CASK: variants seen among roughly 807,000 people sequenced by gnomAD.
The protein encoded by CASK is calcium/calmodulin dependent serine protein kinase, also known as peripheral plasma membrane protein CASK.
In CASK, 4 loss-of-function variants were observed where a neutral mutation model predicts 82.9. The ratio of observed to expected loss-of-function variants is 0.05; its 90% CI spans 0.02 to 0.11. The LOEUF is 0.11. Ranked by LOEUF, CASK falls within the 10% of genes least tolerant of loss-of-function variation. CASK has a pLI of 1.00. For missense variants in CASK, 358 were observed against 720.9 expected (o/e 0.50, Z 5.76); for synonymous variants, 259 against 253.5 (o/e 1.02, Z -0.20).
At chrX:41,660,385 T>C in intron 8 of CASK, 54 bp downstream of exon 8, 1 of 1,032,762 alleles carries the variant, frequency 9.7e-7, no homozygotes, top group Middle Eastern at 2.6e-4. Context: ...CGCATTCCTG[T>C]CACTGGAAGT....
chrX:41,538,603 A>G (rs180671970), intron 22 of CASK, among the ~76,000 whole-genome samples: 2 of 111,899 alleles, frequency 1.8e-5, no homozygotes, highest in Non-Finnish European at 3.8e-5. Flanking sequence ...ATCTATTCCC[A>G]AGGATTCAGA....
At position 41,610,141 on chromosome X, in the gene CASK, T is replaced by C. The variant is rs192872959; in HGVS notation, c.1034-116A>G. On this transcript the variant is annotated intron_variant, in intron 11 of 26. Transcript: ENST00000378163. Reference sequence around the variant, plus strand: ...GAATTCATATCAGAACTTCAAAGGCTAGTGTCTTTACTGAAGGATAGACTT... The same window carrying C: ...GAATTCATATCAGAACTTCAAAGGCCAGTGTCTTTACTGAAGGATAGACTT... The C allele has an allele frequency of 1.8e-5, 13 of 730,634 alleles. No homozygotes were observed. In the Admixed American group the frequency reaches 3.3e-4, roughly 18 times the overall value. The allele number at this position is 730,634 out of a possible 1,213,427, so 60.2% of individuals were successfully genotyped here.
At chrX:41,570,422 T>C (rs1364887935) in intron 15 of CASK, among the ~76,000 whole-genome samples, 1 of 111,806 alleles carries the variant, frequency 8.9e-6, no homozygotes, top group Non-Finnish European at 1.9e-5. Flanking sequence ...ATAATTGACA[T>C]ACACATATTT....
intron 1 of CASK, among the ~76,000 whole-genome samples, chrX:41,859,242 A>T (rs1378945310): frequency 8.9e-6 from 1 of 111,862 alleles, no homozygotes; most frequent in Non-Finnish European, 1.9e-5. Flanking sequence ...AAAGACAAAG[A>T]TGGGGAAAGT....
intron 16 of CASK, chrX:41,562,691 T>C (rs1053908897): frequency 1.8e-5 from 2 of 111,348 alleles, no homozygotes; most frequent in African/African-American, 6.5e-5. Context: ...GTTATAAAAA[T>C]GCGTCATGTC....
chrX:41,768,277 G>A (rs755169547), intron 3 of CASK, among the ~76,000 whole-genome samples: 2 of 110,590 alleles, frequency 1.8e-5, no homozygotes, highest in South Asian at 3.9e-4. Context: ...TCATTTTTCC[G>A]AGGATCCCTG....
chrX:41,826,073 G>A (rs769343106), intron 2 of CASK, among the ~76,000 whole-genome samples: 2 of 111,610 alleles, frequency 1.8e-5, no homozygotes, highest in African/African-American at 3.3e-5. Context: ...GTACTGCCTC[G>A]GAATGGAGTA....
chrX:41,809,456 G>A (rs1346670318), intron 2 of CASK, among the ~76,000 whole-genome samples: 2 of 112,221 alleles, frequency 1.8e-5, no homozygotes, highest in Non-Finnish European at 3.8e-5. Flanking sequence ...TGCAGCCTCC[G>A]CAGCTGATAC....
chrX:41,794,012 C>T (rs1222251692), intron 2 of CASK, among the ~76,000 whole-genome samples: 1 of 112,101 alleles, frequency 8.9e-6, no homozygotes, highest in African/African-American at 3.2e-5. Flanking sequence ...GAGTAGAGGC[C>T]TAGACAGGCC....
chrX:41,725,850 GT>G (rs1015376166), intron 5 of CASK, among the ~76,000 whole-genome samples: 3 of 110,567 alleles, frequency 2.7e-5, no homozygotes, highest in East Asian at 5.7e-4. Context: ...AGCAGCTACA[GT>G]TTTTTTTTGT....
In CASK at chrX:41,802,735, A is replaced by T. The variant is rs150174193; in HGVS notation, c.173-15452T>A. Among the ~76,000 whole-genome samples, 828 of 111,464 alleles carry T rather than the reference A, an allele frequency of 7.4e-3. 5 individuals are homozygous for T. The highest frequency in any genetic ancestry group is 0.01 in the Non-Finnish European group (556 of 53,083). ...CTCTCAATAACTGTAAGGGCAGGTAAGATATTATGCCTGATTTTTAGATGA... is the reference window on the plus strand; with the variant it reads ...CTCTCAATAACTGTAAGGGCAGGTATGATATTATGCCTGATTTTTAGATGA... On this transcript the variant is annotated intron_variant, in intron 2 of 26. Transcript: ENST00000378163.
At chrX:41,621,270 C>T (rs2066284628) in intron 11 of CASK, among the ~76,000 whole-genome samples, 1 of 112,038 alleles carries the variant, frequency 8.9e-6, no homozygotes, top group African/African-American at 3.2e-5. Flanking sequence ...TCAGTCCCCT[C>T]CCCTGGAGTG....
intron 2 of CASK, among the ~76,000 whole-genome samples, chrX:41,830,596 G>A (rs183706605): frequency 7.4e-5 from 8 of 108,361 alleles, no homozygotes; most frequent in Admixed American, 2.0e-4. Context: ...CAAGGTGGGC[G>A]GATCATGAAG....
rs769938851 is a variant in CASK, at chrX:41,747,182, T to TGG, written c.279-1582_279-1581insCC. 4.7e-3 allele frequency among the ~76,000 whole-genome samples: 523 copies of TGG among 111,334 alleles called. 2 individuals carry two copies. Among genetic ancestry groups the TGG allele is most frequent in the African/African-American group, 0.015 (464 of 30,603 alleles). The stretch of plus-strand genomic sequence containing the variant: ...CACATTTATACAGGCTCTAAAAACT[T>TGG]TACCAAGTTTCCATTTCACACCTAA... On this transcript the variant is annotated intron_variant, in intron 3 of 26. Transcript: ENST00000378163.
intron 21 of CASK, among the ~76,000 whole-genome samples, chrX:41,551,879 CA>C (rs1192377020): frequency 0.031 from 724 of 23,313 alleles, 3 homozygotes; most frequent in Middle Eastern, 0.05. Context: ...GACTCCGTCT[CA>C]AAAAAAAAAA....
chrX:41,697,009 T>C, intron 5 of CASK: 1 of 276,239 alleles, frequency 3.6e-6, no homozygotes, highest in Non-Finnish European at 6.7e-6. Flanking sequence ...ACATAGATTA[T>C]GAAGTTAAGT....
intron 17 of CASK, among the ~76,000 whole-genome samples, chrX:41,560,294 C>T (rs1347193351): frequency 5.4e-5 from 6 of 110,577 alleles, no homozygotes; most frequent in South Asian, 7.8e-4. Context: ...GACAGAGTCT[C>T]GCTCTGTCAT....
At chrX:41,836,425 C>T (rs1461899115) in intron 2 of CASK, among the ~76,000 whole-genome samples, 2 of 111,067 alleles carry the variant, frequency 1.8e-5, no homozygotes, top group African/African-American at 3.3e-5. Flanking sequence ...TTAACAAATA[C>T]GTTTTTTAAA....
At chrX:41,769,198 C>CTTTTTTT (rs759796998) in intron 3 of CASK, among the ~76,000 whole-genome samples, 8 of 91,559 alleles carry the variant, frequency 8.7e-5, no homozygotes, top group East Asian at 3.4e-4. Flanking sequence ...TTTTCTTTTT[C>CTTTTTTT]TTTTTTTTTT....
Sources: allele counts gnomAD v4.1 joint callset (sites outside exome capture counted in the v4.1 genomes callset), GRCh38; gene constraint gnomAD v4.1.1; transcripts MANE v1.5; gene names NCBI Gene and HGNC (gene_info 2026-07-23, HGNC 2026-07-21).